Variants in ADAM18 observed in about 807,000 individuals in gnomAD.
ADAM18 encodes the protein ADAM metallopeptidase domain 18.
Under a neutral mutation model 94.4 loss-of-function variants are expected in ADAM18, and 117 were observed. The observed-to-expected ratio is 1.24, with a 90% CI of 1.07 to 1.45. The LOEUF is 1.45. Ranked by LOEUF, ADAM18 falls within the 40% of genes most tolerant of loss-of-function variation. The pLI, the probability that ADAM18 is intolerant of heterozygous loss-of-function variation, is 0.00. For missense variants in ADAM18, 936 were observed against 880.0 expected, an observed-to-expected ratio of 1.06 and a Z score of -0.81; for synonymous variants, 327 against 291.6, an observed-to-expected ratio of 1.12 and a Z score of -1.24.
Position 39,600,238 on chromosome 8 carries a change from G to T in ADAM18, c.133-6069G>T, listed in dbSNP as rs879410482. On this transcript the variant is annotated intron_variant, in intron 2 of 19. Coordinates refer to ENST00000265707, the MANE Select transcript of ADAM18 (RefSeq NM_014237.3). ...AGGCCACAAAGTTTTATGGATTATG[G>T]CTTTAATCATCATTTGTTTAAAATT... is the stretch of plus-strand genomic sequence containing the variant. Among the ~76,000 whole-genome samples, 3 of 152,022 alleles carry T rather than the reference G, an allele frequency of 2.0e-5. No individual in the cohort carries two copies. In the South Asian group the frequency reaches 6.2e-4, roughly 32 times the overall value.
chr8:39,675,583 C>A (rs1044855952), intron 14 of ADAM18, among the ~76,000 whole-genome samples: 1 of 152,168 alleles, frequency 6.6e-6, no homozygotes, highest in Non-Finnish European at 1.5e-5. Flanking sequence ...TCCTTTAGCT[C>A]GGAGAAGTTT....
At chr8:39,680,646 G>C (rs1409915119) in intron 16 of ADAM18, among the ~76,000 whole-genome samples, 1 of 152,102 alleles carries the variant, frequency 6.6e-6, no homozygotes, top group Non-Finnish European at 1.5e-5. Flanking sequence ...TCTATACTAG[G>C]AAACATTGCT....
intron 6 of ADAM18, among the ~76,000 whole-genome samples, chr8:39,618,736 G>A (rs1436019839): frequency 2.0e-5 from 3 of 152,148 alleles, no homozygotes; most frequent in African/African-American, 7.2e-5. Flanking sequence ...CCCCCCATGT[G>A]TCCGTTTATA....
chr8:39,665,493 A>G (rs777690260), intron 13 of ADAM18, among the ~76,000 whole-genome samples: 3 of 152,222 alleles, frequency 2.0e-5, no homozygotes, highest in Non-Finnish European at 4.4e-5. Context: ...TATGGTAAAT[A>G]TGGAACTTTA....
At chr8:39,697,451 C>T (rs1009412165) in intron 17 of ADAM18, among the ~76,000 whole-genome samples, 1 of 151,148 alleles carries the variant, frequency 6.6e-6, no homozygotes, top group East Asian at 1.9e-4. Flanking sequence ...AAATATTTTC[C>T]AATTTTCCTT....
intron 16 of ADAM18, among the ~76,000 whole-genome samples, chr8:39,680,709 C>T (rs1821433334): frequency 6.6e-6 from 1 of 152,114 alleles, no homozygotes; most frequent in Non-Finnish European, 1.5e-5. Flanking sequence ...TATATGAACA[C>T]TTCTATCTAT....
rs1333696828 is a variant in ADAM18 at position 39,615,232 on chromosome 8, A to C, written c.522+4526A>C. On this transcript the variant is annotated intron_variant, in intron 6 of 19. Coordinates refer to ENST00000265707, the MANE Select transcript of ADAM18 (RefSeq NM_014237.3). ...AATGCAATTCTCAACAAATTAAAAA[A>C]AAAAAAACATACGGACCACACTTTT... Among the ~76,000 whole-genome samples the C allele has an allele frequency of 1.3e-5, 2 of 152,122 alleles. 1 individual carries two copies. Among genetic ancestry groups the C allele is most frequent in the African/African-American group, 4.8e-5 (2 of 41,444 alleles).
chr8:39,677,294 G>A, intron 14 of ADAM18, 137 bp from the exon 15 acceptor site: 1 of 610,580 alleles, frequency 1.6e-6, no homozygotes, highest in Non-Finnish European at 2.8e-6. Context: ...TACTTGCATT[G>A]ACAGGGTATG....
At chr8:39,659,085 T>C (rs1359221759) in intron 12 of ADAM18, among the ~76,000 whole-genome samples, 2 of 152,190 alleles carry the variant, frequency 1.3e-5, no homozygotes, top group East Asian at 1.9e-4. Flanking sequence ...AGTCTTAATA[T>C]AGAATGCCTT....
intron 5 of ADAM18, 47 bp downstream of exon 5, chr8:39,609,608 T>C: frequency 7.3e-7 from 1 of 1,368,728 alleles, no homozygotes; most frequent in Non-Finnish European, 1.0e-6. Context: ...CTTAAGATAG[T>C]CTTTAAAACA....
At chr8:39,654,915 T>A (rs1820644405) in intron 12 of ADAM18, among the ~76,000 whole-genome samples, 1 of 152,214 alleles carries the variant, frequency 6.6e-6, no homozygotes. Context: ...TTGTTTGAGT[T>A]CCTTATATGC....
intron 18 of ADAM18, among the ~76,000 whole-genome samples, chr8:39,713,024 C>A (rs1446222139): frequency 1.3e-5 from 2 of 152,048 alleles, no homozygotes; most frequent in African/African-American, 4.8e-5. Context: ...GCATCACCCT[C>A]CCTGACTTCC....
intron 2 of ADAM18, among the ~76,000 whole-genome samples, chr8:39,603,377 T>C (rs1301056459): frequency 6.6e-6 from 1 of 152,218 alleles, no homozygotes; most frequent in Non-Finnish European, 1.5e-5. Context: ...CCTTATTTTA[T>C]TGTGCTTTAC....
At chr8:39,646,772 C>T (rs539564204) in intron 11 of ADAM18, among the ~76,000 whole-genome samples, 4 of 151,826 alleles carry the variant, frequency 2.6e-5, no homozygotes, top group Admixed American at 2.0e-4. Flanking sequence ...AAGATCTCCC[C>T]GGGACTTATA....
intron 17 of ADAM18, among the ~76,000 whole-genome samples, chr8:39,694,935 G>T (rs1413964378): frequency 6.6e-6 from 1 of 151,346 alleles, no homozygotes; most frequent in African/African-American, 2.4e-5. Context: ...TGCTAAGAAT[G>T]CCCTGTGATC....
chr8:39,620,342 C>A, intron 6 of ADAM18, among the ~76,000 whole-genome samples: 2 of 100,594 alleles, frequency 2.0e-5, no homozygotes, highest in Non-Finnish European at 3.9e-5. Flanking sequence ...ACCTCAAAAG[C>A]ACATGCAACA....
intron 7 of ADAM18, among the ~76,000 whole-genome samples, chr8:39,637,019 TTATATATATATA>T (rs35248371): frequency 0.027 from 1,494 of 54,700 alleles, 29 homozygotes; most frequent in African/African-American, 0.069. Context: ...TGTGTGTATT[TTATATATATATA>T]TATATATATA....
At chr8:39,694,150 T>A (rs935683905) in intron 17 of ADAM18, among the ~76,000 whole-genome samples, 2 of 151,324 alleles carry the variant, frequency 1.3e-5, no homozygotes, top group Admixed American at 6.6e-5. Flanking sequence ...TCAATATAAG[T>A]GGTAGATATT....
At chr8:39,613,364 A>G (rs1819338057) in intron 6 of ADAM18, among the ~76,000 whole-genome samples, 1 of 152,250 alleles carries the variant, frequency 6.6e-6, no homozygotes, top group African/African-American at 2.4e-5. Flanking sequence ...GCCCAGGAGT[A>G]CTAAACCAAG....
Sources: gnomAD v4.1 joint callset for allele counts (sites outside exome capture counted in the v4.1 genomes callset) on GRCh38, gnomAD v4.1.1 for gene constraint, MANE v1.5 for transcripts, NCBI Gene and HGNC (gene_info 2026-07-23, HGNC 2026-07-21) for gene names.